MADD: variants seen among roughly 807,000 people sequenced by gnomAD.
The protein encoded by MADD is MAP kinase-activating death domain protein.
Under a neutral mutation model 176.7 loss-of-function variants are expected in MADD, and 109 were observed. That is an observed-to-expected ratio of 0.62 (90% CI 0.53 to 0.72). The LOEUF is 0.72. Among genes scored for constraint, MADD ranks in the 30% least tolerant of loss-of-function variants. The pLI is 0.00. For synonymous variants in MADD, 771 were observed against 771.3 expected, an observed-to-expected ratio of 1.00 and a Z score of 0.01; for missense variants, 1,914 against 2,045.5, an observed-to-expected ratio of 0.94 and a Z score of 1.24.
intron 31 of MADD, chr11:47,327,765 G>T: frequency 1.0e-6 from 1 of 985,412 alleles, no homozygotes; most frequent in Non-Finnish European, 1.2e-6. Context: ...ACCTCCCAGG[G>T]TCAGAAGAAG....
At chr11:47,295,854 C>G (rs1301571677) in intron 21 of MADD, 43 bp from the exon 24 acceptor site, 2 of 1,573,342 alleles carry the variant, frequency 1.3e-6, no homozygotes, top group African/African-American at 1.4e-5. Flanking sequence ...TTTCTGGGGC[C>G]CATCCCTGGG....
At chr11:47,298,399 A>C (rs889328524) in intron 22 of MADD, among the ~76,000 whole-genome samples, 1 of 152,226 alleles carries the variant, frequency 6.6e-6, no homozygotes, top group African/African-American at 2.4e-5. Flanking sequence ...AGCGGCAGTG[A>C]GAACCGTCTA....
intron 22 of MADD, among the ~76,000 whole-genome samples, chr11:47,301,431 C>T (rs1435816519): frequency 6.6e-6 from 1 of 152,028 alleles, no homozygotes; most frequent in African/African-American, 2.4e-5. Context: ...TTTTTTAAGT[C>T]TCAAGTTTTA....
rs190258457 is a variant in MADD, at chr11:47,326,580, T to G, written c.4543-158T>G. 4 of 1,425,950 alleles carry G rather than the reference T, an allele frequency of 2.8e-6. No individual in the cohort carries two copies. In the African/African-American group the frequency reaches 5.7e-5, roughly 20 times the overall value. The allele number at this position is 1,425,950 out of a possible 1,614,324, so 88.3% of individuals were successfully genotyped here. On this transcript the variant is annotated intron_variant, in intron 30 of 32. Coordinates refer to ENST00000402192, the Ensembl canonical transcript of MADD. ...ACATGCCCTTTCTGCTATCTTCGCTTCTTAGCGCTTTTGAGTTGTGTGCGT... is the reference window on the plus strand; with the variant it reads ...ACATGCCCTTTCTGCTATCTTCGCTGCTTAGCGCTTTTGAGTTGTGTGCGT...
At chr11:47,303,675 A>T (rs543344501) in intron 22 of MADD, among the ~76,000 whole-genome samples, 1 of 143,580 alleles carries the variant, frequency 7.0e-6, no homozygotes, top group South Asian at 2.2e-4. Context: ...GTGTGATCTC[A>T]GCTCACTGCA....
intron 14 of MADD, among the ~76,000 whole-genome samples, chr11:47,285,846 G>A (rs1368353048): frequency 2.0e-5 from 3 of 152,166 alleles, no homozygotes; most frequent in Non-Finnish European, 4.4e-5. Context: ...TGGAAAACAG[G>A]CAGTAAATTC....
Position 47,326,816 on chromosome 11 carries a change from A to T in MADD, c.4612+9A>T. On this transcript the variant is annotated intron_variant, in intron 31 of 32. Transcript: ENST00000402192. ...TGTCCTGGAGGAATTTGGTAATTACACTATTTTGCTCTTAGGTCTGGACTC... is the reference window on the plus strand; with the variant it reads ...TGTCCTGGAGGAATTTGGTAATTACTCTATTTTGCTCTTAGGTCTGGACTC... The T allele has an allele frequency of 6.2e-7, 1 of 1,614,110 alleles. No homozygotes were observed.
At chr11:47,278,863 C>A in intron 6 of MADD, 136 bp from the exon 7 acceptor site, 1 of 638,610 alleles carries the variant, frequency 1.6e-6, no homozygotes. Flanking sequence ...GTACATATAT[C>A]TTACTGTGCA....
exon 3 of MADD, chr11:47,275,019 T>C: frequency 1.9e-6 from 3 of 1,614,230 alleles, no homozygotes; most frequent in Non-Finnish European, 2.5e-6. Context: ...GCAACAGTAC[T>C]CTCACGTCCC....
At chr11:47,307,957 C>A (rs2084403484) in intron 22 of MADD, among the ~76,000 whole-genome samples, 1 of 152,226 alleles carries the variant, frequency 6.6e-6, no homozygotes, top group Non-Finnish European at 1.5e-5. Context: ...GCGTGAGCCA[C>A]TGCACCCAGC....
chr11:47,309,039 A>G (rs778379368), intron 23 of MADD: 3 of 1,614,020 alleles, frequency 1.9e-6, no homozygotes, highest in East Asian at 2.2e-5. Flanking sequence ...GACCTTTTCT[A>G]TAAGTAACCA....
intron 20 of MADD, 52 bp downstream of exon 22, chr11:47,294,035 A>G: frequency 7.3e-7 from 1 of 1,378,266 alleles, no homozygotes; most frequent in Non-Finnish European, 1.0e-6. Flanking sequence ...CTGTCTCAGA[A>G]TACTTCTTTA....
chr11:47,325,010 C>T lies in MADD; in HGVS notation c.4542+433C>T, dbSNP rs556848078. On this transcript the variant is annotated intron_variant, in intron 30 of 32. Coordinates refer to ENST00000402192, the Ensembl canonical transcript of MADD. This position sits in a 1 kb window ranked among gnomAD's most constrained non-coding sequence, Gnocchi z 4.5. ...TGTGCGTGCAGCTTGCGTGTGCGTG[C>T]GTGCGTGCCTGCGTGCTTGTGTGTA... 2.4e-5 allele frequency: 13 copies of T among 533,884 alleles called. No individual in the cohort carries two copies. Among genetic ancestry groups the T allele is most frequent in the Non-Finnish European group, 2.4e-5 (7 of 297,718 alleles). 33.1% of individuals were successfully genotyped at this position (533,884 alleles called of 1,614,324 possible).
At chr11:47,311,738 A>G in exon 26 of MADD, 2 of 1,607,678 alleles carry the variant, frequency 1.2e-6, no homozygotes, top group Non-Finnish European at 1.7e-6. Flanking sequence ...TCAGGTAAAT[A>G]AGAATGACAT....
At chr11:47,309,986 C>G (rs1041115111) in intron 25 of MADD, among the ~76,000 whole-genome samples, 4 of 151,686 alleles carry the variant, frequency 2.6e-5, no homozygotes, top group African/African-American at 9.7e-5. Context: ...CGATTACAGG[C>G]GCACACCACC....
At chr11:47,279,181 G>A (rs2053681488) in intron 7 of MADD, 102 bp downstream of exon 7, 12 of 1,138,042 alleles carry the variant, frequency 1.1e-5, no homozygotes, top group Non-Finnish European at 1.5e-5. Flanking sequence ...AACTTCAAGT[G>A]GAGTAGTTTT....
At chr11:47,289,962 A>G (rs1372685566) in exon 17 of MADD, 1 of 1,614,136 alleles carries the variant, frequency 6.2e-7, no homozygotes, top group African/African-American at 1.3e-5. Context: ...CGGCTGCTGG[A>G]GAGCGAGCAG....
chr11:47,325,630 C>G lies in MADD; in HGVS notation c.4542+1053C>G, dbSNP rs1454945647. 6.6e-6 allele frequency among the ~76,000 whole-genome samples: 1 copy of G among 152,250 alleles called. No homozygotes were observed. Among genetic ancestry groups the G allele is most frequent in the Non-Finnish European group, 1.5e-5 (1 of 68,046 alleles). ...TTCAATTTAGGACTTAGGGCAGTAG[C>G]CAACCCCAAAGACCTTAGGACCATC... On this transcript the variant is annotated intron_variant, in intron 30 of 32. Transcript: ENST00000402192. This position sits in a 1 kb window ranked among gnomAD's most constrained non-coding sequence, Gnocchi z 4.5.
At chr11:47,327,587 C>A (rs934715079) in intron 31 of MADD, 31 of 985,314 alleles carry the variant, frequency 3.1e-5, no homozygotes, top group Admixed American at 1.2e-4. Context: ...TCCTACCTTG[C>A]CTCCCCCTTC....
Sources: allele counts gnomAD v4.1 joint callset (sites outside exome capture counted in the v4.1 genomes callset), GRCh38; gene constraint gnomAD v4.1.1; non-coding constraint Gnocchi (gnomAD v3.1); transcripts MANE v1.5; gene names NCBI Gene and HGNC (gene_info 2026-07-23, HGNC 2026-07-21).